MCPH1: variants seen among roughly 807,000 people sequenced by gnomAD.
The protein encoded by MCPH1 is microcephalin 1, also known as microcephalin.
Under a neutral mutation model 84.5 loss-of-function variants are expected in MCPH1, and 104 were observed. The ratio of observed to expected loss-of-function variants is 1.23; its 90% CI spans 1.05 to 1.45. The LOEUF (loss-of-function observed/expected upper bound fraction) is 1.45, where lower values mean the gene tolerates loss of function less well. Ranked by LOEUF, MCPH1 falls within the 40% of genes most tolerant of loss-of-function variation. The pLI is 0.00. For missense variants in MCPH1, 1,498 were observed against 1,005.7 expected, an observed-to-expected ratio of 1.49 and a Z score of -6.62; for synonymous variants, 514 against 366.8, an observed-to-expected ratio of 1.40 and a Z score of -4.58.
chr8:6,610,776 C>G (rs544471822), intron 12 of MCPH1, among the ~76,000 whole-genome samples: 1 of 152,192 alleles, frequency 6.6e-6, no homozygotes, highest in African/African-American at 2.4e-5. Flanking sequence ...TCTTCATACA[C>G]TCGAGACAAC....
At chr8:6,508,830 G>C (rs778443260) in intron 12 of MCPH1, 1 of 1,510,034 alleles carries the variant, frequency 6.6e-7, no homozygotes, top group Admixed American at 1.7e-5. Context: ...TGAAATTGTG[G>C]ACATCGTTAC....
intron 11 of MCPH1, among the ~76,000 whole-genome samples, chr8:6,493,735 A>T (rs995499289): frequency 2.6e-5 from 4 of 152,106 alleles, no homozygotes; most frequent in African/African-American, 9.7e-5. Context: ...ACAAAATATG[A>T]CCGGGGATCT....
In MCPH1 at chr8:6,414,870, C is replaced by T. The variant is rs369920508; in HGVS notation, c.220C>T (p.Leu74Phe). The change falls in exon 3 of 14, where the codon CTC becomes TTC. Residue 74 changes from leucine to phenylalanine, a missense_variant. Coordinates refer to ENST00000344683, the MANE Select transcript of MCPH1 (RefSeq NM_024596.5). ...GAGAGGCGTAAAGCTCGTTTCGGTG[C>T]TCTGGGTGGAAAAGTAAGCAGTTTC... The part of the protein sequence containing the change: ...QKRGVKLVSV[L>F]WVEKCRTAGA... The T allele has an allele frequency of 1.9e-6, 3 of 1,613,422 alleles. No homozygotes were observed. The highest frequency in any genetic ancestry group is 2.7e-5 in the African/African-American group (2 of 74,758).
intron 12 of MCPH1, among the ~76,000 whole-genome samples, chr8:6,582,878 T>C (rs1335647618): frequency 1.3e-5 from 2 of 152,222 alleles, no homozygotes; most frequent in Non-Finnish European, 2.9e-5. Flanking sequence ...GTGTCGCAGC[T>C]TTTCAAAGCC....
rs1228779410 is a variant in MCPH1, at chr8:6,647,723, C to G, written c.*4674C>G. Reference sequence around the variant, plus strand: ...TCTACAAACCGCAAAACTGTAGAGGCACGAAACAGATTCATGGTCTGCTGC... The same window carrying G: ...TCTACAAACCGCAAAACTGTAGAGGGACGAAACAGATTCATGGTCTGCTGC... On this transcript the variant is annotated 3_prime_UTR_variant, in exon 14 of 14. Transcript: ENST00000344683. 1 of 152,168 alleles carries G rather than the reference C, an allele frequency of 6.6e-6. No homozygotes were observed. The highest frequency in any genetic ancestry group is 2.4e-5 in the African/African-American group (1 of 41,420). 9.4% of individuals were successfully genotyped at this position (152,168 alleles called of 1,614,324 possible). A position where few individuals can be genotyped will look rare whatever the true frequency, so the allele number is the denominator to read the frequency against.
In MCPH1 at chr8:6,445,300, T is replaced by G. The variant is rs758407806; in HGVS notation, c.1578T>G (p.Ser526=). 6.2e-7 allele frequency: 1 copy of G among 1,614,238 alleles called. No homozygotes were observed. Among genetic ancestry groups the G allele is most frequent in the Admixed American group, 1.7e-5 (1 of 60,030 alleles). ...EDACPEGNGF[S]YTIEDPALPK... Reference sequence around the variant, plus strand: ...CATGCCCAGAGGGAAATGGCTTTTCTTACACCATTGAGGACCCTGCTCTTC... The same window carrying G: ...CATGCCCAGAGGGAAATGGCTTTTCGTACACCATTGAGGACCCTGCTCTTC... The change falls in exon 8 of 14, where the codon TCT becomes TCG. Residue 526 remains serine, a synonymous_variant. Coordinates refer to ENST00000344683, the MANE Select transcript of MCPH1 (RefSeq NM_024596.5).
intron 3 of MCPH1, among the ~76,000 whole-genome samples, chr8:6,416,460 T>C (rs1427991121): frequency 6.6e-6 from 1 of 152,226 alleles, no homozygotes; most frequent in Non-Finnish European, 1.5e-5. Context: ...TAAATGTCCT[T>C]TTTTAGGCTG....
intron 9 of MCPH1, among the ~76,000 whole-genome samples, chr8:6,468,951 G>A (rs1807350701): frequency 6.6e-6 from 1 of 152,162 alleles, no homozygotes; most frequent in South Asian, 2.1e-4. Context: ...CAATTTGGGA[G>A]GCTGAGGCAG....
At position 6,627,457 on chromosome 8, in the gene MCPH1, G is replaced by T. The variant is rs13439792; in HGVS notation, c.2452+5766G>T. 1,785 of 183,004 alleles carry T rather than the reference G, an allele frequency of 9.8e-3. 32 individuals carry two copies. The highest frequency in any genetic ancestry group is 0.04 in the African/African-American group (1,686 of 42,050). The allele number at this position is 183,004 out of a possible 1,614,324, so 11.3% of individuals were successfully genotyped here. A position where few individuals can be genotyped will look rare whatever the true frequency, so the allele number is the denominator to read the frequency against. ...TCAGAAAATGTTTGTGGAATTCAAA[G>T]ACACAATTCAGACAATATGAAGAAT... On this transcript the variant is annotated intron_variant, in intron 13 of 13. Coordinates refer to ENST00000344683, the MANE Select transcript of MCPH1 (RefSeq NM_024596.5).
At chr8:6,427,435 A>T (rs1197261070) in intron 3 of MCPH1, among the ~76,000 whole-genome samples, 1 of 152,162 alleles carries the variant, frequency 6.6e-6, no homozygotes, top group African/African-American at 2.4e-5. Context: ...GAAGTGGCAC[A>T]TTTATGGCTC....
At chr8:6,576,991 C>T (rs1016301872) in intron 12 of MCPH1, among the ~76,000 whole-genome samples, 1 of 152,120 alleles carries the variant, frequency 6.6e-6, no homozygotes, top group Non-Finnish European at 1.5e-5. Context: ...ATTCCTTCTC[C>T]CTGCTGCCTG....
chr8:6,604,063 C>A (rs1829569532), intron 12 of MCPH1, among the ~76,000 whole-genome samples: 1 of 151,462 alleles, frequency 6.6e-6, no homozygotes, highest in Admixed American at 6.6e-5. Context: ...CACACCCTGG[C>A]CAGTAGGAAA....
intron 12 of MCPH1, chr8:6,521,069 A>T: frequency 1.4e-6 from 1 of 729,068 alleles, no homozygotes; most frequent in African/African-American, 1.8e-5. Flanking sequence ...TTCATATGAA[A>T]TATATGAGAA....
intron 12 of MCPH1, among the ~76,000 whole-genome samples, chr8:6,606,710 C>CAT (rs1246496436): frequency 1.4e-3 from 211 of 152,306 alleles, no homozygotes; most frequent in African/African-American, 4.8e-3. Flanking sequence ...TTAGGTGATG[C>CAT]GGTTTGGCTA....
intron 12 of MCPH1, among the ~76,000 whole-genome samples, chr8:6,504,794 A>G (rs1812948444): frequency 6.6e-6 from 1 of 152,216 alleles, no homozygotes; most frequent in South Asian, 2.1e-4. Flanking sequence ...ACTAGTTTAC[A>G]AACTAAACTT....
At chr8:6,434,295 G>A (rs973885376) in intron 4 of MCPH1, among the ~76,000 whole-genome samples, 1 of 152,150 alleles carries the variant, frequency 6.6e-6, no homozygotes, top group African/African-American at 2.4e-5. Context: ...GTATACTGCT[G>A]ACCCTGAGTC....
chr8:6,472,387 G>T (rs74884015), intron 9 of MCPH1, among the ~76,000 whole-genome samples: 1 of 152,106 alleles, frequency 6.6e-6, no homozygotes, highest in Non-Finnish European at 1.5e-5. Context: ...ATTATTTCAA[G>T]CATCTGTTTT....
Position 6,482,249 on chromosome 8 carries a change from A to G in MCPH1, c.2136+1373A>G, listed in dbSNP as rs551519713. 2.6e-5 allele frequency among the ~76,000 whole-genome samples: 4 copies of G among 152,342 alleles called. No individual in the cohort carries two copies. The South Asian group carries it at 8.3e-4, about 32-fold the overall frequency. Reference sequence around the variant, plus strand: ...AAAAGGTGAACGTTGTCCACTTAATATGGAAAGAAAAATGGTATGCTGACG... The same window carrying G: ...AAAAGGTGAACGTTGTCCACTTAATGTGGAAAGAAAAATGGTATGCTGACG... On this transcript the variant is annotated intron_variant, in intron 11 of 13. Transcript: ENST00000344683.
chr8:6,444,681 G>A lies in MCPH1; in HGVS notation c.959G>A (p.Gly320Asp). Reference sequence around the variant, plus strand: ...ACCCCTGACCAAAAGCAGGCTGCAGGTATGTCTCAGGAGACGTTTGAAGAG... The same window carrying A: ...ACCCCTGACCAAAAGCAGGCTGCAGATATGTCTCAGGAGACGTTTGAAGAG... ...VVTPDQKQAA[G>D]MSQETFEEKY... Residue 320 changes from glycine (G) to aspartate (D), a missense_variant, in exon 8 of 14, where the codon GGT (glycine) becomes GAT (aspartate). By Grantham distance (94) the Gly-to-Asp change is moderately conservative. Coordinates refer to ENST00000344683, the MANE Select transcript of MCPH1 (RefSeq NM_024596.5). 6.2e-7 allele frequency: 1 copy of A among 1,614,020 alleles called. No individual in the cohort carries two copies. The highest frequency in any genetic ancestry group is 8.5e-7 in the Non-Finnish European group (1 of 1,180,018).
Sources: gnomAD v4.1 joint callset for allele counts (sites outside exome capture counted in the v4.1 genomes callset) on GRCh38, gnomAD v4.1.1 for gene constraint, MANE v1.5 for transcripts, NCBI Gene and HGNC (gene_info 2026-07-23, HGNC 2026-07-21) for gene names.